RABGEF1: variants seen among roughly 807,000 people sequenced by gnomAD.
The protein encoded by RABGEF1 is RAB guanine nucleotide exchange factor 1.
In RABGEF1, 26 loss-of-function variants were observed where a neutral mutation model predicts 57.3. The observed-to-expected ratio is 0.45, with a 90% CI of 0.33 to 0.63. The LOEUF (loss-of-function observed/expected upper bound fraction) is 0.63, where lower values mean the gene tolerates loss of function less well. Among genes scored for constraint, RABGEF1 ranks in the 20% least tolerant of loss-of-function variants. The pLI is 0.02. For missense variants in RABGEF1, 464 were observed against 607.6 expected (o/e 0.76, Z 2.48); for synonymous variants, 185 against 210.7 (o/e 0.88, Z 1.06).
chr7:66,722,699 A>G (rs1240679799), intron 2 of RABGEF1, among the ~76,000 whole-genome samples: 1 of 152,170 alleles, frequency 6.6e-6, no homozygotes, highest in Non-Finnish European at 1.5e-5. Flanking sequence ...TTTCATTATT[A>G]CAGGTTTGTA....
chr7:66,808,941 A>G lies in RABGEF1; in HGVS notation c.1133A>G (p.Gln378Arg), dbSNP rs755970741. The G allele has an allele frequency of 4.0e-5, 64 of 1,612,604 alleles. No homozygotes were observed. The highest frequency in any genetic ancestry group is 5.1e-5 in the Non-Finnish European group (60 of 1,178,770). Reference protein sequence around the residue: ...KLDAQSLNLSQEDFDRYMSGQ... With the variant: ...KLDAQSLNLSREDFDRYMSGQ... Reference sequence around the variant, plus strand: ...GACGCCCAGTCTTTGAATCTAAGTCAGGAGGATTTTGATCGCTACATGTCT... The same window carrying G: ...GACGCCCAGTCTTTGAATCTAAGTCGGGAGGATTTTGATCGCTACATGTCT... The change falls in exon 9 of 9, where the codon CAG (glutamine) becomes CGG (arginine). Residue 378 changes from glutamine (Q) to arginine (R), a missense_variant. By Grantham distance (43) the Gln-to-Arg change is conservative. This residue lies in a region of RABGEF1 where 151 missense variants were observed against 152.2 expected (regional missense o/e 0.99). Transcript: ENST00000284957.
chr7:66,806,869 C>T (rs2129194364), intron 8 of RABGEF1, among the ~76,000 whole-genome samples: 1 of 152,216 alleles, frequency 6.6e-6, no homozygotes, highest in East Asian at 1.9e-4. Flanking sequence ...GTCTCGAACT[C>T]CTGACCTCAA....
upstream of RABGEF1, among the ~76,000 whole-genome samples, chr7:66,737,250 G>GT (rs1798101054): frequency 1.3e-5 from 2 of 152,002 alleles, no homozygotes; most frequent in African/African-American, 4.8e-5. Context: ...CTTGGGGGCT[G>GT]TTTTTTTGGA....
intron 1 of RABGEF1, among the ~76,000 whole-genome samples, chr7:66,767,023 G>A (rs1805913752): frequency 2.5e-5 from 3 of 120,582 alleles, no homozygotes; most frequent in African/African-American, 9.4e-5. Context: ...TTTTTTTTGA[G>A]ATGGCGTCTC....
At chr7:66,789,829 C>T (rs188360738) in intron 4 of RABGEF1, among the ~76,000 whole-genome samples, 6 of 152,132 alleles carry the variant, frequency 3.9e-5, no homozygotes, top group African/African-American at 9.6e-5. Context: ...TGGCTCCATG[C>T]GTGAGGCTGG....
chr7:66,657,650 A>G, the RABGEF1 span, among the ~76,000 whole-genome samples: 1 of 152,162 alleles, frequency 6.6e-6, no homozygotes, highest in Non-Finnish European at 1.5e-5. Context: ...GCAAAAGCCC[A>G]TCGCTACTAA....
intron 1 of RABGEF1, among the ~76,000 whole-genome samples, chr7:66,753,374 C>T (rs1489811046): frequency 1.3e-5 from 2 of 152,140 alleles, no homozygotes; most frequent in Non-Finnish European, 2.9e-5. Context: ...AAACTCATTT[C>T]TTCTAATTAT....
intron 5 of RABGEF1, among the ~76,000 whole-genome samples, 200 bp from the exon 6 acceptor site, chr7:66,797,174 T>C (rs1786153140): frequency 6.6e-6 from 1 of 151,356 alleles, no homozygotes; most frequent in African/African-American, 2.4e-5. Context: ...CATGGTGGCG[T>C]GTGCCTGTGA....
chr7:66,756,066 C>T, intron 1 of RABGEF1: 1 of 1,502,736 alleles, frequency 6.7e-7, no homozygotes, highest in Non-Finnish European at 8.9e-7. Flanking sequence ...ATGGCGTCTT[C>T]ATACCATGAA....
chr7:66,786,865 C>T (rs184051692), intron 4 of RABGEF1, among the ~76,000 whole-genome samples: 6 of 152,292 alleles, frequency 3.9e-5, no homozygotes, highest in East Asian at 1.9e-4. Context: ...GCAAATGAGA[C>T]GGGCAGCTAT....
intron 1 of RABGEF1, among the ~76,000 whole-genome samples, chr7:66,685,152 G>A (rs1584612102): frequency 8.7e-6 from 1 of 115,110 alleles, no homozygotes; most frequent in African/African-American, 3.0e-5. Flanking sequence ...TGGATTATTT[G>A]CTTTTTTTTT....
intron 5 of RABGEF1, 23 bp downstream of exon 5, chr7:66,795,615 G>T (rs1293768985): frequency 1.3e-6 from 2 of 1,563,564 alleles, no homozygotes; most frequent in South Asian, 2.2e-5. Flanking sequence ...GCCATTGAGA[G>T]ATTGCGGGTA....
intron 4 of RABGEF1, among the ~76,000 whole-genome samples, chr7:66,790,507 G>T (rs1812388537): frequency 6.6e-6 from 1 of 152,214 alleles, no homozygotes; most frequent in Non-Finnish European, 1.5e-5. Context: ...AGGGGAAAGA[G>T]CTGAGCCCAG....
At chr7:66,753,231 A>C (rs1801842235) in intron 1 of RABGEF1, among the ~76,000 whole-genome samples, 1 of 152,176 alleles carries the variant, frequency 6.6e-6, no homozygotes, top group Non-Finnish European at 1.5e-5. Context: ...TATTATCCAC[A>C]GGTGGTCACT....
intron 1 of RABGEF1, among the ~76,000 whole-genome samples, chr7:66,682,651 C>T (rs1280706243): frequency 2.0e-5 from 3 of 152,170 alleles, no homozygotes; most frequent in Non-Finnish European, 2.9e-5. Flanking sequence ...ATCCCAGGAC[C>T]TCCCCGGAAC....
At chr7:66,714,942 CAA>C (rs1250032915) in intron 2 of RABGEF1, among the ~76,000 whole-genome samples, 2 of 152,098 alleles carry the variant, frequency 1.3e-5, no homozygotes, top group Non-Finnish European at 2.9e-5. Context: ...CTCAAAAAAA[CAA>C]AACAAAACAA....
chr7:66,743,334 A>AAG lies in RABGEF1; in HGVS notation c.-18+2543_-18+2544insGA, dbSNP rs548070148. ...CAAAAAAAAGAAAAAAATTTAAAAA[A>AAG]AAAAAAAAGGCTCTCTCTCTCTCCC... On this transcript the variant is annotated intron_variant, in intron 1 of 8. Coordinates refer to ENST00000284957, the MANE Select transcript of RABGEF1 (RefSeq NM_014504.3). 2.1e-4 allele frequency among the ~76,000 whole-genome samples: 31 copies of AAG among 151,130 alleles called. 1 individual carries two copies. In the East Asian group the frequency reaches 5.8e-3, roughly 29 times the overall value.
At chr7:66,734,499 T>C (rs573815215) in intron 2 of RABGEF1, among the ~76,000 whole-genome samples, 1 of 152,268 alleles carries the variant, frequency 6.6e-6, no homozygotes, top group South Asian at 2.1e-4. Context: ...TTTTGCTATG[T>C]TGGCCAGGCT....
intron 3 of RABGEF1, among the ~76,000 whole-genome samples, chr7:66,782,917 A>G (rs893119175): frequency 2.0e-5 from 3 of 152,254 alleles, no homozygotes; most frequent in Non-Finnish European, 4.4e-5. Context: ...AATGTGGTCA[A>G]AGACCAAGTG....
Sources: allele counts gnomAD v4.1 joint callset (sites outside exome capture counted in the v4.1 genomes callset), GRCh38; gene constraint gnomAD v4.1.1; regional missense constraint gnomAD v4.1.1; transcripts MANE v1.5; gene names NCBI Gene and HGNC (gene_info 2026-07-23, HGNC 2026-07-21).